Variants in MRTFB observed in about 807,000 individuals in gnomAD.
MRTFB encodes the protein myocardin related transcription factor B.
In MRTFB, 29 loss-of-function variants were observed where a neutral mutation model predicts 104.2. The observed-to-expected ratio is 0.28, with a 90% confidence interval of 0.21 to 0.38. The LOEUF is 0.38. MRTFB is among the 10% of genes least tolerant of loss of function. The pLI is 1.00. For missense variants in MRTFB, 1,270 were observed against 1,341.6 expected, an observed-to-expected ratio of 0.95 and a Z score of 0.83; for synonymous variants, 535 against 519.5, an observed-to-expected ratio of 1.03 and a Z score of -0.41.
At chr16:14,168,723 G>A (rs1433275793) in intron 3 of MRTFB, among the ~76,000 whole-genome samples, 1 of 152,120 alleles carries the variant, frequency 6.6e-6, no homozygotes, top group African/African-American at 2.4e-5. Flanking sequence ...ATTTCTTTGG[G>A]TATGTATGTG....
At chr16:14,014,639 A>C in the MRTFB span, among the ~76,000 whole-genome samples, 2 of 152,068 alleles carry the variant, frequency 1.3e-5, no homozygotes, top group Admixed American at 6.6e-5. Context: ...GGATCACCTG[A>C]GGTCAGGAGT....
chr16:14,001,083 G>A, the MRTFB span, among the ~76,000 whole-genome samples: 471 of 152,342 alleles, frequency 3.1e-3, 4 homozygotes, highest in African/African-American at 0.011. Flanking sequence ...ACCCATGTCC[G>A]CAGTACCTGC....
chr16:14,183,509 G>A (rs1406547475), intron 3 of MRTFB, among the ~76,000 whole-genome samples: 1 of 151,916 alleles, frequency 6.6e-6, no homozygotes, highest in African/African-American at 2.4e-5. Context: ...CTTTTTATGT[G>A]TTTGTTTTTT....
the MRTFB span, among the ~76,000 whole-genome samples, chr16:14,040,200 C>G: frequency 6.6e-6 from 1 of 152,214 alleles, no homozygotes; most frequent in African/African-American, 2.4e-5. Flanking sequence ...TACGTTTGCA[C>G]CAACCTAATA....
chr16:14,216,057 C>T (rs987092551), intron 6 of MRTFB, among the ~76,000 whole-genome samples: 4 of 152,296 alleles, frequency 2.6e-5, no homozygotes, highest in South Asian at 2.1e-4. Context: ...ATTATGTATT[C>T]GCAATAGCGG....
intron 3 of MRTFB, chr16:14,200,722 A>G (rs1273723976): frequency 2.6e-6 from 4 of 1,522,452 alleles, no homozygotes; most frequent in Non-Finnish European, 3.6e-6. Context: ...CAGAGGCTGA[A>G]TCAGGAATCT....
chr16:14,217,316 G>A (rs752848170), intron 7 of MRTFB, 29 bp downstream of exon 7: 3 of 1,556,454 alleles, frequency 1.9e-6, no homozygotes, highest in Middle Eastern at 1.8e-4. Flanking sequence ...ACTATTTGGG[G>A]TGAGAAAGAG....
chr16:14,103,601 C>T (rs2035813025), intron 2 of MRTFB, among the ~76,000 whole-genome samples: 1 of 152,120 alleles, frequency 6.6e-6, no homozygotes. Context: ...AAATGGAATC[C>T]TGCTGCAGTG....
intron 9 of MRTFB, among the ~76,000 whole-genome samples, chr16:14,236,646 C>G (rs2042527532): frequency 6.6e-6 from 1 of 152,098 alleles, no homozygotes; most frequent in South Asian, 2.1e-4. Flanking sequence ...ATGAAGATAT[C>G]TATCTATGGG....
the MRTFB span, among the ~76,000 whole-genome samples, chr16:14,060,871 G>A: frequency 6.6e-6 from 1 of 152,126 alleles, no homozygotes; most frequent in African/African-American, 2.4e-5. Flanking sequence ...GTTTGGCCGG[G>A]CGCGGTGGCT....
intron 2 of MRTFB, among the ~76,000 whole-genome samples, chr16:14,105,402 A>C (rs2035918235): frequency 6.8e-6 from 1 of 146,824 alleles, no homozygotes; most frequent in Non-Finnish European, 1.5e-5. Flanking sequence ...TTCTCTTATG[A>C]TTTTTTTTTT....
the MRTFB span, chr16:14,009,683 C>T: frequency 6.6e-6 from 1 of 152,128 alleles, no homozygotes; most frequent in African/African-American, 2.4e-5. Context: ...GAGGAAGTTC[C>T]CTCCTATTCC....
At position 14,177,064 on chromosome 16, in the gene MRTFB, T is replaced by C. The variant is rs78985145; in HGVS notation, c.155-33179T>C. Among the ~76,000 whole-genome samples, 2,631 of 152,256 alleles carry C rather than the reference T, an allele frequency of 0.017. 84 individuals carry two copies. Among genetic ancestry groups the C allele is most frequent in the African/African-American group, 0.059 (2,461 of 41,538 alleles). ...ATAGGGAAATCCAGGAAGAAAAAAC[T>C]TGTACAAAAACAAGGACAACACAGA... On this transcript the variant is annotated intron_variant, in intron 3 of 16. Coordinates refer to ENST00000571589, the MANE Select transcript of MRTFB (RefSeq NM_001308142.2). This position sits in a 1 kb window ranked among gnomAD's most constrained non-coding sequence, Gnocchi z 4.7.
chr16:14,035,474 GGAGTA>G, the MRTFB span, among the ~76,000 whole-genome samples: 16 of 152,192 alleles, frequency 1.1e-4, no homozygotes, highest in Non-Finnish European at 2.1e-4. Flanking sequence ...GCTTTTGATA[GGAGTA>G]GAGTGGCAGT....
the MRTFB span, among the ~76,000 whole-genome samples, chr16:13,997,776 G>C: frequency 8.2e-6 from 1 of 121,406 alleles, no homozygotes; most frequent in African/African-American, 3.4e-5. Flanking sequence ...CTGTGTGACA[G>C]AGCAAGACCC....
intron 3 of MRTFB, among the ~76,000 whole-genome samples, chr16:14,194,382 C>A (rs1042561888): frequency 2.0e-5 from 3 of 152,190 alleles, no homozygotes; most frequent in African/African-American, 7.2e-5. Context: ...CCTCAGGTGT[C>A]TCTTCTCATG....
intron 1 of MRTFB, among the ~76,000 whole-genome samples, chr16:14,072,275 C>A (rs562239123): frequency 1.3e-5 from 2 of 152,172 alleles, no homozygotes; most frequent in African/African-American, 4.8e-5. Flanking sequence ...AATGTGACCT[C>A]CCTACACACA....
Position 14,246,722 on chromosome 16 carries a change from A to G in MRTFB, c.1462A>G (p.Thr488Ala). ...VSTLKAELPP[T>A]GTSNATRVEN... ...TACTCTCAAGGCAGAATTGCCACCT[A>G]CAGGAACCAGCAACGCAACCCGTGT... The change falls in exon 12 of 17, where the codon ACA (threonine) becomes GCA (alanine). Residue 488 changes from threonine to alanine, a missense_variant. Thr to Ala is a moderately conservative substitution (Grantham distance 58, BLOSUM62 0). Transcript: ENST00000571589. 1 of 1,614,178 alleles carries G rather than the reference A, an allele frequency of 6.2e-7. No individual in the cohort carries two copies. Among genetic ancestry groups the G allele is most frequent in the South Asian group, 1.1e-5 (1 of 91,082 alleles).
At chr16:14,022,404 A>G in the MRTFB span, among the ~76,000 whole-genome samples, 3 of 152,118 alleles carry the variant, frequency 2.0e-5, no homozygotes, top group African/African-American at 4.8e-5. Context: ...TGCAAAAAGC[A>G]TTTCTTTTTT....
Sources: allele counts gnomAD v4.1 joint callset (sites outside exome capture counted in the v4.1 genomes callset), GRCh38; gene constraint gnomAD v4.1.1; non-coding constraint Gnocchi (gnomAD v3.1); transcripts MANE v1.5; gene names NCBI Gene and HGNC (gene_info 2026-07-23, HGNC 2026-07-21).